The following SGCZ variants were observed in gnomAD, a reference collection of about 807,000 sequenced individuals.
SGCZ encodes sarcoglycan zeta, also known as zeta-sarcoglycan.
SGCZ carries 40 observed loss-of-function variants against 41.3 expected under a neutral mutation model. That is an observed-to-expected ratio of 0.97 (90% confidence interval 0.75 to 1.26). The LOEUF (loss-of-function observed/expected upper bound fraction) is 1.26, where lower values mean the gene tolerates loss of function less well. Ranked by LOEUF, SGCZ falls within the 50% of genes most tolerant of loss-of-function variation. The pLI, the probability that SGCZ is intolerant of heterozygous loss-of-function variation, is 0.00. For missense variants in SGCZ, 552 were observed against 369.8 expected (o/e 1.49, Z -4.04); for synonymous variants, 206 against 137.5 (o/e 1.50, Z -3.49).
At chr8:14,158,832 G>A (rs768572666) in intron 5 of SGCZ, among the ~76,000 whole-genome samples, 3 of 152,122 alleles carry the variant, frequency 2.0e-5, no homozygotes, top group Non-Finnish European at 2.9e-5. Flanking sequence ...GCAGTGTCAG[G>A]ATCTTGGCTC....
intron 2 of SGCZ, among the ~76,000 whole-genome samples, chr8:14,521,082 A>G (rs1242645269): frequency 6.6e-6 from 1 of 152,098 alleles, no homozygotes; most frequent in Non-Finnish European, 1.5e-5. Context: ...CCCCAATTGT[A>G]ACATCTTGTA....
At chr8:14,105,154 C>T (rs1464842346) in intron 6 of SGCZ, among the ~76,000 whole-genome samples, 1 of 151,838 alleles carries the variant, frequency 6.6e-6, no homozygotes, top group Non-Finnish European at 1.5e-5. Context: ...ACTCCTAGTA[C>T]AAAACAGTAT....
chr8:15,064,251 A>G (rs752452111), intron 1 of SGCZ, among the ~76,000 whole-genome samples: 6 of 152,136 alleles, frequency 3.9e-5, no homozygotes, highest in Non-Finnish European at 1.5e-5. Context: ...CAAAGCCACA[A>G]ACATATGAAG....
intron 1 of SGCZ, among the ~76,000 whole-genome samples, chr8:14,664,816 G>A (rs1386635685): frequency 2.0e-5 from 3 of 152,128 alleles, no homozygotes; most frequent in Non-Finnish European, 4.4e-5. Context: ...TGAGAAACAT[G>A]TTCAAAGAAA....
chr8:14,627,517 C>G (rs1386072994), intron 1 of SGCZ, among the ~76,000 whole-genome samples: 1 of 152,130 alleles, frequency 6.6e-6, no homozygotes, highest in African/African-American at 2.4e-5. Context: ...AGTCCTCTAG[C>G]ATCATAAGAT....
intron 1 of SGCZ, among the ~76,000 whole-genome samples, chr8:15,111,761 G>A (rs1585574240): frequency 6.6e-6 from 1 of 152,174 alleles, no homozygotes; most frequent in East Asian, 1.9e-4. Flanking sequence ...TTAGCTGGGT[G>A]TGGTGGCGCG....
intron 1 of SGCZ, among the ~76,000 whole-genome samples, chr8:15,052,629 T>C (rs1454597): frequency 0.07 from 10,714 of 152,090 alleles, 1,171 homozygotes; most frequent in African/African-American, 0.24. Context: ...AAAGCTCGTT[T>C]GGGACATATG....
At chr8:14,824,105 A>C (rs553148158) in intron 1 of SGCZ, among the ~76,000 whole-genome samples, 1 of 152,136 alleles carries the variant, frequency 6.6e-6, no homozygotes, top group Non-Finnish European at 1.5e-5. Flanking sequence ...GCAAAAGAGG[A>C]GAGGAGGATG....
At chr8:14,620,082 C>T (rs1278501493) in intron 1 of SGCZ, among the ~76,000 whole-genome samples, 1 of 152,064 alleles carries the variant, frequency 6.6e-6, no homozygotes, top group Non-Finnish European at 1.5e-5. Flanking sequence ...GTACTGGTAC[C>T]AAAACAGAGA....
intron 7 of SGCZ, among the ~76,000 whole-genome samples, chr8:14,100,544 A>G (rs1801983840): frequency 9.7e-6 from 1 of 103,356 alleles, no homozygotes; most frequent in Non-Finnish European, 2.1e-5. Flanking sequence ...AAAATATTAT[A>G]CATTAGATTA....
intron 1 of SGCZ, among the ~76,000 whole-genome samples, chr8:14,993,061 T>G (rs1388006508): frequency 6.6e-6 from 1 of 152,076 alleles, no homozygotes; most frequent in Non-Finnish European, 1.5e-5. Flanking sequence ...CCAAAACTAG[T>G]GTTAATCTTT....
intron 1 of SGCZ, among the ~76,000 whole-genome samples, chr8:15,006,766 G>C (rs1002779006): frequency 1.2e-4 from 19 of 152,110 alleles, no homozygotes; most frequent in African/African-American, 4.6e-4. Context: ...TATATTCATA[G>C]ATGAGTTGTA....
intron 1 of SGCZ, among the ~76,000 whole-genome samples, chr8:15,146,631 A>G (rs947035826): frequency 5.9e-5 from 9 of 152,252 alleles, no homozygotes; most frequent in Admixed American, 1.3e-4. Flanking sequence ...ATATGAAGAT[A>G]ATACTAAAAG....
At chr8:14,857,081 T>G (rs560821120) in intron 1 of SGCZ, among the ~76,000 whole-genome samples, 7 of 152,126 alleles carry the variant, frequency 4.6e-5, no homozygotes, top group African/African-American at 1.7e-4. Context: ...TACTGTATAG[T>G]CAGTGAGTTC....
Position 14,689,156 on chromosome 8 carries a change from T to C in SGCZ, c.40-134230A>G, listed in dbSNP as rs533426665. The stretch of plus-strand genomic sequence containing the variant: ...TTAATACAAATTTTCTGAAGAGTAA[T>C]TTTGAGATGAATATCAAAAGAAAAA... On this transcript the variant is annotated intron_variant, in intron 1 of 7. Coordinates refer to ENST00000382080, the MANE Select transcript of SGCZ (RefSeq NM_139167.4). Among the ~76,000 whole-genome samples the C allele has an allele frequency of 2.6e-5, 4 of 152,224 alleles. No individual in the cohort carries two copies. The East Asian group carries it at 7.7e-4, about 29-fold the overall frequency.
At chr8:15,090,050 A>G (rs2131060777) in intron 1 of SGCZ, among the ~76,000 whole-genome samples, 1 of 152,334 alleles carries the variant, frequency 6.6e-6, no homozygotes, top group East Asian at 1.9e-4. Flanking sequence ...ATTACCTTGT[A>G]TGTTATCAGT....
At chr8:14,637,346 G>A (rs374759989) in intron 1 of SGCZ, among the ~76,000 whole-genome samples, 14 of 150,638 alleles carry the variant, frequency 9.3e-5, no homozygotes, top group South Asian at 8.4e-4. Flanking sequence ...TTTTAGACTC[G>A]GAGTACACGT....
rs148108183 is a variant in SGCZ, at chr8:14,550,971, G to C, written c.234+3761C>G. 4.2e-3 allele frequency among the ~76,000 whole-genome samples: 633 copies of C among 151,826 alleles called. 2 individuals are homozygous for C. Among genetic ancestry groups the C allele is most frequent in the Middle Eastern group, 6.8e-3 (2 of 294 alleles). On this transcript the variant is annotated intron_variant, in intron 2 of 7. Transcript: ENST00000382080. ...AGCCAACTTTCTTCCCAATGATCAC[G>C]CAAGACTTCTTTCCCCAATTTGTTT...
intron 1 of SGCZ, among the ~76,000 whole-genome samples, chr8:14,765,967 C>CT (rs59212700): frequency 0.012 from 1,758 of 141,558 alleles, 33 homozygotes; most frequent in African/African-American, 0.033. Flanking sequence ...ATATGATAGT[C>CT]TTTTTTTTTT....
Sources: gnomAD v4.1 joint callset for allele counts (sites outside exome capture counted in the v4.1 genomes callset) on GRCh38, gnomAD v4.1.1 for gene constraint, MANE v1.5 for transcripts, NCBI Gene and HGNC (gene_info 2026-07-23, HGNC 2026-07-21) for gene names.